Variants in PXDN observed in about 807,000 individuals in gnomAD.
The protein encoded by PXDN is peroxidasin homolog.
In PXDN, 77 loss-of-function variants were observed where a neutral mutation model predicts 140.3. The ratio of observed to expected loss-of-function variants is 0.55; its 90% CI spans 0.46 to 0.66. PXDN has a LOEUF of 0.66. Ranked by LOEUF, PXDN falls within the 30% of genes least tolerant of loss-of-function variation. The pLI is 0.00. For synonymous variants in PXDN, 911 were observed against 857.4 expected, an observed-to-expected ratio of 1.06 and a Z score of -1.09; for missense variants, 1,838 against 2,039.5, an observed-to-expected ratio of 0.90 and a Z score of 1.90.
In PXDN at chr2:1,677,004, C is replaced by T. The variant is rs1231113074; in HGVS notation, c.771G>A (p.Val257=). The T allele has an allele frequency of 6.2e-7, 1 of 1,612,540 alleles. No individual in the cohort carries two copies. The highest frequency in any genetic ancestry group is 1.1e-5 in the South Asian group (1 of 90,540). ...RITSEPQDAD[V]TSGNTVYFTC... ...TGAAGTACACGGTGTTCCCCGAGGTCACATCTGCGTCCTGGGGCTCGGAGG... is the reference window on the plus strand; with the variant it reads ...TGAAGTACACGGTGTTCCCCGAGGTTACATCTGCGTCCTGGGGCTCGGAGG... The change falls in exon 8 of 23, where the codon GTG becomes GTA. Residue 257 remains valine, a synonymous_variant. Coordinates refer to ENST00000252804, the MANE Select transcript of PXDN (RefSeq NM_012293.3).
Position 1,651,070 on chromosome 2 carries a change from C to T in PXDN, c.2105-1395G>A. Reference sequence around the variant, plus strand: ...GGGAACATGAACCCCGGGCTCCCCTCAGCCCCTGGTTCTGTTCTGTCTGAC... The same window carrying T: ...GGGAACATGAACCCCGGGCTCCCCTTAGCCCCTGGTTCTGTTCTGTCTGAC... On this transcript the variant is annotated intron_variant, in intron 16 of 22. Transcript: ENST00000252804. The surrounding 1 kb of genome is among the most constrained non-coding windows in gnomAD (Gnocchi z 4.4). Among the ~76,000 whole-genome samples, 1 of 152,126 alleles carries T rather than the reference C, an allele frequency of 6.6e-6. No individual in the cohort carries two copies. The highest frequency in any genetic ancestry group is 1.9e-4 in the East Asian group (1 of 5,182).
Position 1,687,473 on chromosome 2 carries a change from G to T in PXDN, c.416+159C>A, listed in dbSNP as rs1439486064. 6.6e-6 allele frequency among the ~76,000 whole-genome samples: 1 copy of T among 152,136 alleles called. No individual in the cohort carries two copies. The highest frequency in any genetic ancestry group is 1.5e-5 in the Non-Finnish European group (1 of 68,020). ...AGGCGGGGCGGAGGGCAAATGACTC[G>T]CCCATCCCTGTTTTTCCGTCATCAT... On this transcript the variant is annotated intron_variant, in intron 4 of 22. Transcript: ENST00000252804. This position sits in a 1 kb window ranked among gnomAD's most constrained non-coding sequence, Gnocchi z 4.0.
intron 1 of PXDN, among the ~76,000 whole-genome samples, chr2:1,710,649 C>CCCACTCT: frequency 6.8e-6 from 1 of 146,212 alleles, no homozygotes; most frequent in Non-Finnish European, 1.5e-5. Flanking sequence ...TCTATGAACA[C>CCCACTCT]CCACTCTCCA....
intron 3 of PXDN, among the ~76,000 whole-genome samples, chr2:1,691,645 A>T (rs1684185598): frequency 6.6e-6 from 1 of 152,202 alleles, no homozygotes; most frequent in Non-Finnish European, 1.5e-5. Context: ...AAGCATCACC[A>T]TCATTTCCAG....
chr2:1,733,954 C>G (rs888968992), intron 1 of PXDN, among the ~76,000 whole-genome samples: 3 of 152,006 alleles, frequency 2.0e-5, no homozygotes, highest in Non-Finnish European at 4.4e-5. Flanking sequence ...TGAACCTACG[C>G]AGAGGAATAA....
rs867907268 is a variant in PXDN, at chr2:1,650,114, A to G, written c.2105-439T>C. Among the ~76,000 whole-genome samples the G allele has an allele frequency of 1.2e-4, 19 of 152,176 alleles. No individual in the cohort carries two copies. The South Asian group carries it at 1.7e-3, about 13-fold the overall frequency. ...CACCATCGGTCTCCACAGGCTGCCG[A>G]GCAGGGCATTTCCTGACACCTGTCA... On this transcript the variant is annotated intron_variant, in intron 16 of 22. Coordinates refer to ENST00000252804, the MANE Select transcript of PXDN (RefSeq NM_012293.3).
intron 14 of PXDN, among the ~76,000 whole-genome samples, chr2:1,658,060 CTCTCTCTCT>C (rs1683199832): frequency 4.0e-5 from 5 of 126,068 alleles, no homozygotes; most frequent in South Asian, 2.8e-4. Context: ...CTCTCTCTCT[CTCTCTCTCT>C]CTCTCTCTCT....
At position 1,644,071 on chromosome 2, in the gene PXDN, CAAAAAAA is replaced by C. The variant is rs74164529; in HGVS notation, c.3744-502_3744-496del. Among the ~76,000 whole-genome samples the C allele has an allele frequency of 6.2e-3, 240 of 38,434 alleles. 1 individual carries two copies. Among genetic ancestry groups the C allele is most frequent in the African/African-American group, 0.027 (229 of 8,398 alleles). The allele number at this position is 38,434 out of a possible 152,430, so 25.2% of individuals were successfully genotyped here. A position where few individuals can be genotyped will look rare whatever the true frequency, so the allele number is the denominator to read the frequency against. Reference sequence around the variant, plus strand: ...TGGGTGACAGAGCAAGACTCTGTCTCAAAAAAAAAAAAAAAAAAAAAAAAAAAGAACG... The same window carrying C: ...TGGGTGACAGAGCAAGACTCTGTCTCAAAAAAAAAAAAAAAAAAAAGAACG... On this transcript the variant is annotated intron_variant, in intron 18 of 22. Coordinates refer to ENST00000252804, the MANE Select transcript of PXDN (RefSeq NM_012293.3).
intron 9 of PXDN, 147 bp from the exon 10 acceptor site, chr2:1,666,633 G>GA: frequency 8.9e-7 from 1 of 1,128,780 alleles, no homozygotes; most frequent in Non-Finnish European, 1.2e-6. Context: ...TCTTTTTAAA[G>GA]AAATGTGCAG....
At chr2:1,655,956 C>A (rs2125416758) in intron 14 of PXDN, among the ~76,000 whole-genome samples, 1 of 151,852 alleles carries the variant, frequency 6.6e-6, no homozygotes, top group Admixed American at 6.6e-5. Flanking sequence ...ACACACCCAG[C>A]ACCTTATAAA....
chr2:1,673,820 G>C lies in PXDN; in HGVS notation c.849-8C>G. 6.2e-7 allele frequency: 1 copy of C among 1,613,846 alleles called. No homozygotes were observed. The highest frequency in any genetic ancestry group is 8.5e-7 in the Non-Finnish European group (1 of 1,179,766). On this transcript the variant is annotated splice_region_variant and splice_polypyrimidine_tract_variant and intron_variant, in intron 8 of 22. Transcript: ENST00000252804. ...TTCATGCTCAGCTCATTACTACAAAGACAGAAATATGGTCTGGTCAAGTGT... is the reference window on the plus strand; with the variant it reads ...TTCATGCTCAGCTCATTACTACAAACACAGAAATATGGTCTGGTCAAGTGT...
chr2:1,643,560 G>A lies in PXDN; in HGVS notation c.3760C>T (p.Pro1254Ser), dbSNP rs1465403847. The A allele has an allele frequency of 6.2e-7, 1 of 1,613,782 alleles. No homozygotes were observed. Among genetic ancestry groups the A allele is most frequent in the East Asian group, 2.2e-5 (1 of 44,860 alleles). Residue 1254 changes from proline (P) to serine (S), a missense_variant, in exon 19 of 23, where the codon CCT (proline) becomes TCT (serine). Pro to Ser is a moderately conservative substitution (Grantham distance 74, BLOSUM62 -1). Coordinates refer to ENST00000252804, the MANE Select transcript of PXDN (RefSeq NM_012293.3). ...RDGDRLWYENPGVFSPAQLTQ... is the reference protein window; with the variant it reads ...RDGDRLWYENSGVFSPAQLTQ... ...AGCTGGGCCGGGGAGAACACCCCAG[G>A]GTTCTCATACCACAACCTGGATCCC...
At chr2:1,742,502 A>G (rs1685569199) in intron 1 of PXDN, among the ~76,000 whole-genome samples, 1 of 152,226 alleles carries the variant, frequency 6.6e-6, no homozygotes, top group Non-Finnish European at 1.5e-5. Context: ...TGCAAAGCGG[A>G]GCAGAGGACC....
In PXDN at chr2:1,639,690, C is replaced by A. The variant is rs1682669248; in HGVS notation, c.3953-268G>T. ...CTGGGCACACTGAGGAGGCTCACCACGCCATCTAACCACACCCTCGCGGAG... is the reference window on the plus strand; with the variant it reads ...CTGGGCACACTGAGGAGGCTCACCAAGCCATCTAACCACACCCTCGCGGAG... On this transcript the variant is annotated intron_variant, in intron 19 of 22. Transcript: ENST00000252804. This position sits in a 1 kb window ranked among gnomAD's most constrained non-coding sequence, Gnocchi z 5.0. Among the ~76,000 whole-genome samples, 1 of 152,184 alleles carries A rather than the reference C, an allele frequency of 6.6e-6. No homozygotes were observed. The highest frequency in any genetic ancestry group is 2.4e-5 in the African/African-American group (1 of 41,456).
At chr2:1,665,658 T>C (rs1444964668) in intron 10 of PXDN, among the ~76,000 whole-genome samples, 1 of 152,222 alleles carries the variant, frequency 6.6e-6, no homozygotes, top group Non-Finnish European at 1.5e-5. Context: ...AGGAAATGAT[T>C]GCTCTATCTC....
At chr2:1,686,969 G>C (rs897500138) in intron 4 of PXDN, among the ~76,000 whole-genome samples, 3 of 151,972 alleles carry the variant, frequency 2.0e-5, no homozygotes, top group Admixed American at 2.0e-4. Context: ...TCAGTTTGCC[G>C]AGTGAAAGGT....
At chr2:1,688,778 T>C (rs1684121229) in intron 3 of PXDN, among the ~76,000 whole-genome samples, 2 of 152,216 alleles carry the variant, frequency 1.3e-5, no homozygotes, top group Non-Finnish European at 2.9e-5. Flanking sequence ...TGATTACTTA[T>C]GCCTGGGTTT....
rs1249727905 is a variant in PXDN at position 1,687,272 on chromosome 2, T to C, written c.416+360A>G. 6.6e-6 allele frequency among the ~76,000 whole-genome samples: 1 copy of C among 152,228 alleles called. No homozygotes were observed. Among genetic ancestry groups the C allele is most frequent in the Non-Finnish European group, 1.5e-5 (1 of 68,040 alleles). ...CCCCGGGCACCCTGGATATTTCCCC[T>C]GTGAAGGATGCCTTGATCGGACTTG... On this transcript the variant is annotated intron_variant, in intron 4 of 22. Transcript: ENST00000252804. The surrounding 1 kb of genome is among the most constrained non-coding windows in gnomAD (Gnocchi z 4.0).
chr2:1,717,475 C>T (rs1173024411), intron 1 of PXDN, among the ~76,000 whole-genome samples: 2 of 152,184 alleles, frequency 1.3e-5, no homozygotes. Flanking sequence ...AGACTTCACA[C>T]ACCCCTGAAT....
Sources: gnomAD v4.1 joint callset for allele counts (sites outside exome capture counted in the v4.1 genomes callset) on GRCh38, gnomAD v4.1.1 for gene constraint, Gnocchi (gnomAD v3.1) non-coding constraint, MANE v1.5 for transcripts, NCBI Gene and HGNC (gene_info 2026-07-23, HGNC 2026-07-21) for gene names.